SLC16A7: variants seen among roughly 807,000 people sequenced by gnomAD.
The protein encoded by SLC16A7 is solute carrier family 16 member 7.
SLC16A7 carries 33 observed loss-of-function variants against 34.9 expected under a neutral mutation model. The ratio of observed to expected loss-of-function variants is 0.94; its 90% CI spans 0.72 to 1.26. The LOEUF is 1.26. SLC16A7 is among the 50% of genes most tolerant of loss of function. The probability of loss-of-function intolerance (pLI) is 0.00; values close to 1 mark genes in which losing one functional copy is unlikely to be tolerated. For missense variants in SLC16A7, 573 were observed against 578.1 expected (o/e 0.99, Z 0.09); for synonymous variants, 201 against 206.6 (o/e 0.97, Z 0.23).
At chr12:59,657,769 G>A (rs1313757910) in intron 2 of SLC16A7, among the ~76,000 whole-genome samples, 1 of 151,874 alleles carries the variant, frequency 6.6e-6, no homozygotes, top group Non-Finnish European at 1.5e-5. Context: ...ATAAACAAAT[G>A]ATGTCTGTTC....
intron 1 of SLC16A7, among the ~76,000 whole-genome samples, chr12:59,613,388 G>A (rs751465239): frequency 1.3e-5 from 2 of 152,154 alleles, no homozygotes; most frequent in Non-Finnish European, 2.9e-5. Context: ...ATGAGATTTG[G>A]GTGGGGACAC....
At chr12:59,724,621 G>A (rs1876016570) in intron 3 of SLC16A7, among the ~76,000 whole-genome samples, 1 of 151,884 alleles carries the variant, frequency 6.6e-6, no homozygotes, top group South Asian at 2.1e-4. Flanking sequence ...GAACCAGTTG[G>A]GTGCTTATGT....
At chr12:59,697,828 A>G (rs1259864794) in intron 2 of SLC16A7, among the ~76,000 whole-genome samples, 2 of 151,802 alleles carry the variant, frequency 1.3e-5, no homozygotes, top group Non-Finnish European at 2.9e-5. Context: ...ACTTACAGAG[A>G]TAAAATGACA....
intron 2 of SLC16A7, among the ~76,000 whole-genome samples, chr12:59,687,878 T>C (rs533346179): frequency 8.0e-4 from 122 of 152,218 alleles, no homozygotes; most frequent in African/African-American, 2.9e-3. Flanking sequence ...GGCAGTCACA[T>C]GTCCAAACCT....
intron 3 of SLC16A7, among the ~76,000 whole-genome samples, chr12:59,758,118 G>C (rs1199635556): frequency 6.6e-6 from 1 of 151,846 alleles, no homozygotes; most frequent in Non-Finnish European, 1.5e-5. Flanking sequence ...CATACACAGA[G>C]TGTGTTGTTC....
intron 3 of SLC16A7, among the ~76,000 whole-genome samples, chr12:59,741,244 G>A (rs147956174): frequency 9.2e-5 from 14 of 152,292 alleles, no homozygotes; most frequent in African/African-American, 1.9e-4. Flanking sequence ...AAAAGAGCCC[G>A]CATCGCCAAG....
At chr12:59,640,021 C>A (rs994871467) in intron 1 of SLC16A7, among the ~76,000 whole-genome samples, 1 of 152,048 alleles carries the variant, frequency 6.6e-6, no homozygotes, top group African/African-American at 2.4e-5. Context: ...GGAACATTTT[C>A]TTATAGTTAC....
intron 3 of SLC16A7, among the ~76,000 whole-genome samples, chr12:59,712,540 T>C (rs1208164439): frequency 6.6e-6 from 1 of 152,196 alleles, no homozygotes; most frequent in Non-Finnish European, 1.5e-5. Context: ...TTTATTACAC[T>C]TAAGGGCACA....
In SLC16A7 at chr12:59,680,038, A is replaced by G. The variant is rs183520586; in HGVS notation, c.-30-24734A>G. On this transcript the variant is annotated intron_variant, in intron 2 of 5. Transcript: ENST00000547379. ...GCTCATGTGTTTTTCCACAGTAATGATTAGTAATAACCTGAAAAATAAAGG... is the reference window on the plus strand; with the variant it reads ...GCTCATGTGTTTTTCCACAGTAATGGTTAGTAATAACCTGAAAAATAAAGG... 3.3e-5 allele frequency among the ~76,000 whole-genome samples: 5 copies of G among 152,294 alleles called. No homozygotes were observed. The East Asian group carries it at 7.7e-4, about 24-fold the overall frequency.
In SLC16A7 at chr12:59,783,867, A is replaced by T. The variant is rs1883429705; in HGVS notation, c.*4188A>T. On this transcript the variant is annotated 3_prime_UTR_variant, in exon 6 of 6. Transcript: ENST00000547379. ...TTTGTTTTGTTTTGTTTTAGTAGAG[A>T]TGGGGTTTCTCCTTGTTGGTCAGGC... 1 of 151,318 alleles carries T rather than the reference A, an allele frequency of 6.6e-6. No homozygotes were observed. Among genetic ancestry groups the T allele is most frequent in the Non-Finnish European group, 1.5e-5 (1 of 67,938 alleles). 9.4% of individuals were successfully genotyped at this position (151,318 alleles called of 1,614,324 possible).
In SLC16A7 at chr12:59,700,089, A is replaced by G. The variant is rs539310971; in HGVS notation, c.-30-4683A>G. On this transcript the variant is annotated intron_variant, in intron 2 of 5. Transcript: ENST00000547379. Reference sequence around the variant, plus strand: ...TAAGCTTCATCCAGACATGAGTTACAGCGCTATTCGCTGTAAGTTCAATGT... The same window carrying G: ...TAAGCTTCATCCAGACATGAGTTACGGCGCTATTCGCTGTAAGTTCAATGT... Among the ~76,000 whole-genome samples the G allele has an allele frequency of 5.2e-4, 79 of 151,924 alleles. No individual in the cohort carries two copies. In the South Asian group the frequency reaches 0.01, roughly 20 times the overall value.
At chr12:59,772,056 T>TA (rs1249533585) in intron 4 of SLC16A7, among the ~76,000 whole-genome samples, 1 of 152,122 alleles carries the variant, frequency 6.6e-6, no homozygotes, top group East Asian at 1.9e-4. Context: ...TTAGTCTAAA[T>TA]AAAAAATTGC....
chr12:59,621,120 T>G lies in SLC16A7; in HGVS notation c.-130+24884T>G, dbSNP rs1386059218. ...TCCACCACTGTTCTCTAGACTGCTA[T>G]TTTTTTGGTAAGTTAAATGCCTGCA... is the stretch of plus-strand genomic sequence containing the variant. On this transcript the variant is annotated intron_variant, in intron 1 of 5. Transcript: ENST00000547379. Among the ~76,000 whole-genome samples the G allele has an allele frequency of 2.0e-5, 3 of 151,792 alleles. No individual in the cohort carries two copies. The Admixed American group carries it at 2.0e-4, about 10-fold the overall frequency.
intron 1 of SLC16A7, among the ~76,000 whole-genome samples, chr12:59,628,204 T>G (rs1022791468): frequency 2.0e-5 from 3 of 151,828 alleles, no homozygotes; most frequent in African/African-American, 7.2e-5. Flanking sequence ...TTTAATCTTA[T>G]TCCTCCCATG....
chr12:59,610,207 G>A (rs887787621), intron 1 of SLC16A7, among the ~76,000 whole-genome samples: 1 of 152,144 alleles, frequency 6.6e-6, no homozygotes, highest in African/African-American at 2.4e-5. Flanking sequence ...CTTTTAAAAT[G>A]TGGTAGCTAA....
At chr12:59,603,661 A>G (rs1310621547) in intron 1 of SLC16A7, among the ~76,000 whole-genome samples, 2 of 152,118 alleles carry the variant, frequency 1.3e-5, no homozygotes, top group African/African-American at 2.4e-5. Flanking sequence ...ACATTCTATT[A>G]TATTTGATTT....
At chr12:59,743,838 C>T (rs1006839194) in intron 3 of SLC16A7, among the ~76,000 whole-genome samples, 1 of 152,118 alleles carries the variant, frequency 6.6e-6, no homozygotes, top group African/African-American at 2.4e-5. Flanking sequence ...CAAAGCCTGG[C>T]TCTGTAATTT....
At chr12:59,746,426 G>T (rs1315503408) in intron 3 of SLC16A7, among the ~76,000 whole-genome samples, 2 of 152,164 alleles carry the variant, frequency 1.3e-5, no homozygotes, top group Admixed American at 6.5e-5. Flanking sequence ...TGCTAGAAAG[G>T]TCTTGTTTGT....
intron 3 of SLC16A7, among the ~76,000 whole-genome samples, chr12:59,709,471 T>A (rs1233376189): frequency 6.6e-6 from 1 of 151,586 alleles, no homozygotes; most frequent in Non-Finnish European, 1.5e-5. Context: ...TATTTTTCTA[T>A]TCTCTTAAAA....
Sources: allele counts gnomAD v4.1 joint callset (sites outside exome capture counted in the v4.1 genomes callset), GRCh38; gene constraint gnomAD v4.1.1; transcripts MANE v1.5; gene names NCBI Gene and HGNC (gene_info 2026-07-23, HGNC 2026-07-21).